Variants in SH3TC2 observed in about 807,000 individuals in gnomAD.
SH3TC2 encodes SH3 domain and tetratricopeptide repeat-containing protein 2.
SH3TC2 carries 87 observed loss-of-function variants against 124.5 expected under a neutral mutation model. The ratio of observed to expected loss-of-function variants is 0.70; its 90% CI spans 0.59 to 0.84. The LOEUF (loss-of-function observed/expected upper bound fraction) is 0.84. Among genes scored for constraint, SH3TC2 ranks in the 40% least tolerant of loss-of-function variants. The pLI, the probability that SH3TC2 is intolerant of heterozygous loss-of-function variation, is 0.00. For missense variants in SH3TC2, 1,536 were observed against 1,566.4 expected (o/e 0.98, Z 0.33); for synonymous variants, 634 against 628.5 (o/e 1.01, Z -0.13).
intron 8 of SH3TC2, among the ~76,000 whole-genome samples, 155 bp from the exon 9 acceptor site, chr5:149,031,842 C>G (rs1754200197): frequency 6.6e-6 from 1 of 152,158 alleles, no homozygotes; most frequent in African/African-American, 2.4e-5. Context: ...CCATTGCATA[C>G]TGTATTTATA....
chr5:149,015,589 C>T (rs1201494316), intron 12 of SH3TC2, among the ~76,000 whole-genome samples: 1 of 152,196 alleles, frequency 6.6e-6, no homozygotes, highest in Non-Finnish European at 1.5e-5. Context: ...TTCTCTTTCT[C>T]TCATTTTTCC....
In SH3TC2 at chr5:149,004,742, C is replaced by T. The variant is rs142774907; in HGVS notation, c.3836G>A (p.Arg1279Gln). 3.3e-5 allele frequency: 54 copies of T among 1,613,642 alleles called. No homozygotes were observed. Among genetic ancestry groups the T allele is most frequent in the Middle Eastern group, 3.4e-4 (2 of 5,860 alleles). ...GGCCAGGCCACCACCACTCAGCCACCGCGCCCTCTCTGAGGAGCACCCGGA... is the reference window on the plus strand; with the variant it reads ...GGCCAGGCCACCACCACTCAGCCACTGCGCCCTCTCTGAGGAGCACCCGGA... The part of the protein sequence containing the change: ...RPSGCSSERA[R>Q]WLSGGGLAL The change falls in exon 17 of 17, where the codon CGG becomes CAG. Residue 1279 changes from arginine (R) to glutamine (Q), a missense_variant. Around this residue, in one of 3 missense-constraint regions of SH3TC2, gnomAD observed 426 missense variants for 443.5 expected, o/e 0.96. Transcript: ENST00000515425.
chr5:149,029,261 CTG>C (rs557944529), intron 9 of SH3TC2, among the ~76,000 whole-genome samples: 3 of 152,176 alleles, frequency 2.0e-5, no homozygotes, highest in Non-Finnish European at 4.4e-5. Context: ...GGGCTGGACA[CTG>C]TGTTTGTAAA....
In SH3TC2 at chr5:149,010,293, GC is replaced by G. The variant is rs864622664; in HGVS notation, c.3303del (p.Arg1101SerfsTer15). The G allele has an allele frequency of 1.1e-5, 17 of 1,614,112 alleles. No individual in the cohort carries two copies. Among genetic ancestry groups the G allele is most frequent in the Non-Finnish European group, 1.4e-5 (16 of 1,180,052 alleles). The stretch of plus-strand genomic sequence containing the variant: ...ACTCGGTAGTACTCCACTGCATGAT[GC>G]CTGTGGCGGGTCCCATTGAAGAACA... ...GDVFFNGTRH[R>X]HHAVEYYRAG... On this transcript the variant is annotated frameshift_variant, in exon 14 of 17. Coordinates refer to ENST00000515425, the MANE Select transcript of SH3TC2 (RefSeq NM_024577.4). LOFTEE classifies it high-confidence loss of function.
At position 148,998,154 on chromosome 5, in the gene SH3TC2, A is replaced by G. The variant is rs199797914; in HGVS notation, c.*6557T>C. The stretch of plus-strand genomic sequence containing the variant: ...AAATGAATAGAACAAAACAGAATGT[A>G]TGAGTGCATTTCTCTATGTTGTTGC... On this transcript the variant is annotated 3_prime_UTR_variant, in exon 17 of 17. Coordinates refer to ENST00000515425, the MANE Select transcript of SH3TC2 (RefSeq NM_024577.4). 1.3e-4 allele frequency among the ~76,000 whole-genome samples: 20 copies of G among 152,312 alleles called. No individual in the cohort carries two copies. The highest frequency in any genetic ancestry group is 3.4e-3 in the Middle Eastern group (1 of 294).
In SH3TC2 at chr5:149,028,542, T is replaced by C; in HGVS notation, c.1190A>G (p.Glu397Gly). The C allele has an allele frequency of 6.2e-7, 1 of 1,614,070 alleles. No homozygotes were observed. The highest frequency in any genetic ancestry group is 8.5e-7 in the Non-Finnish European group (1 of 1,179,980). ...PPNDLSASQP[E>G]GFKEVRPGRA... is the part of the protein sequence containing the mutation. ...GCCAGGCCTGACCTCCTTGAAACCT[T>C]CAGGCTGGGATGCTGTAAGGACAGG... is the stretch of plus-strand genomic sequence containing the variant. Residue 397 changes from glutamate (E) to glycine (G), a missense_variant, in exon 11 of 17, where the codon GAA becomes GGA. Around this residue, in one of 3 missense-constraint regions of SH3TC2, gnomAD observed 1,102 missense variants for 1,098.6 expected, o/e 1.00. Coordinates refer to ENST00000515425, the MANE Select transcript of SH3TC2 (RefSeq NM_024577.4).
Position 148,983,170 on chromosome 5 carries a change from A to G in SH3TC2, c.*21541T>C, listed in dbSNP as rs1002244232. 2.0e-5 allele frequency among the ~76,000 whole-genome samples: 3 copies of G among 152,266 alleles called. No homozygotes were observed. Among genetic ancestry groups the G allele is most frequent in the Non-Finnish European group, 2.9e-5 (2 of 68,042 alleles). Reference sequence around the variant, plus strand: ...TGGCTTAAAGCACATGCTGTATAAAACATGTCCTGTTAAAAGCATTTTGAG... The same window carrying G: ...TGGCTTAAAGCACATGCTGTATAAAGCATGTCCTGTTAAAAGCATTTTGAG... On this transcript the variant is annotated 3_prime_UTR_variant, in exon 17 of 17. Transcript: ENST00000515425.
intron 13 of SH3TC2, among the ~76,000 whole-genome samples, chr5:149,012,264 A>T (rs905292808): frequency 6.6e-6 from 1 of 152,220 alleles, no homozygotes; most frequent in Non-Finnish European, 1.5e-5. Context: ...GTCAAGGTGT[A>T]TGTTGAGCTT....
intron 12 of SH3TC2, among the ~76,000 whole-genome samples, chr5:149,019,196 A>T (rs1753928285): frequency 6.6e-6 from 1 of 151,914 alleles, no homozygotes; most frequent in East Asian, 1.9e-4. Context: ...TCCCCTTTTT[A>T]CTCAGCTACC....
rs62378237 is a variant in SH3TC2 at position 149,030,544 on chromosome 5, G to A, written c.1135+1010C>T. 2.6e-5 allele frequency among the ~76,000 whole-genome samples: 4 copies of A among 152,274 alleles called. 1 individual carries two copies. On this transcript the variant is annotated intron_variant, in intron 9 of 16. Transcript: ENST00000515425. ...ATCAGGCTCCCGCCTACTGGGCAGT[G>A]TTTACAACTCTAGCTTCCTGCTCAA...
At chr5:149,025,135 C>G (rs1311926265) in intron 12 of SH3TC2, among the ~76,000 whole-genome samples, 1 of 149,708 alleles carries the variant, frequency 6.7e-6, no homozygotes, top group Non-Finnish European at 1.5e-5. Context: ...TCTCCAGAAG[C>G]ATCCAGACTC....
rs958807677 is a variant in SH3TC2 at position 148,991,923 on chromosome 5, T to G, written c.*12788A>C. ...TGATGTCATGGTGGCTCAACTTTCCTGGTGTCTAAGGGGAGTGTCAGAGAG... is the reference window on the plus strand; with the variant it reads ...TGATGTCATGGTGGCTCAACTTTCCGGGTGTCTAAGGGGAGTGTCAGAGAG... On this transcript the variant is annotated 3_prime_UTR_variant, in exon 17 of 17. Transcript: ENST00000515425. Among the ~76,000 whole-genome samples the G allele has an allele frequency of 3.3e-5, 5 of 152,206 alleles. No individual in the cohort carries two copies. The highest frequency in any genetic ancestry group is 1.2e-4 in the African/African-American group (5 of 41,448).
chr5:149,026,370 G>T, intron 12 of SH3TC2: 1 of 621,022 alleles, frequency 1.6e-6, no homozygotes. Flanking sequence ...AGGAAACTGA[G>T]ACATGGAGAA....
intron 3 of SH3TC2, chr5:149,045,504 C>T (rs570490207): frequency 2.7e-5 from 4 of 150,806 alleles, no homozygotes; most frequent in African/African-American, 1.0e-4. Context: ...CTAAGAGGTG[C>T]AATTGGAAAT....
intron 16 of SH3TC2, chr5:149,006,279 AAAAAAGAAGTT>A: frequency 9.0e-6 from 1 of 110,834 alleles, no homozygotes; most frequent in Non-Finnish European, 2.1e-5. Flanking sequence ...CAAGCAAGCA[AAAAAAGAAGTT>A]CTAGATTCAG....
chr5:149,045,249 T>C (rs1754439162), intron 3 of SH3TC2: 1 of 152,378 alleles, frequency 6.6e-6, no homozygotes, highest in South Asian at 2.1e-4. Flanking sequence ...GCATAAATTA[T>C]TTTGCAATCT....
chr5:149,007,879 T>A (rs1239485440), intron 15 of SH3TC2: 2 of 152,538 alleles, frequency 1.3e-5, no homozygotes, highest in African/African-American at 4.8e-5. Context: ...AATTCTCTGA[T>A]ATGGAAAAAT....
Position 149,009,013 on chromosome 5 carries a change from A to T in SH3TC2, c.3328-12T>A, listed in dbSNP as rs928344880. ...GGAACAGCTCCAGCCTAGGAACAGA[A>T]GCCCAAGGAACCTTAGTCTAGCTAG... On this transcript the variant is annotated splice_polypyrimidine_tract_variant and intron_variant, in intron 14 of 16. Transcript: ENST00000515425. 61 of 1,614,060 alleles carry T rather than the reference A, an allele frequency of 3.8e-5. No homozygotes were observed. Among genetic ancestry groups the T allele is most frequent in the Non-Finnish European group, 4.8e-5 (57 of 1,180,028 alleles).
chr5:149,003,702 C>T lies in SH3TC2; in HGVS notation c.*1009G>A. The T allele has an allele frequency of 2.5e-6, 1 of 392,980 alleles. No homozygotes were observed. Among genetic ancestry groups the T allele is most frequent in the Non-Finnish European group, 5.1e-6 (1 of 197,702 alleles). 24.3% of individuals were successfully genotyped at this position (392,980 alleles called of 1,614,324 possible). ...AGCTGCCCTGAAATCAATAAGATGCCTTGTAGTTGGGTATGGCACATGCCT... is the reference window on the plus strand; with the variant it reads ...AGCTGCCCTGAAATCAATAAGATGCTTTGTAGTTGGGTATGGCACATGCCT... On this transcript the variant is annotated 3_prime_UTR_variant, in exon 17 of 17. Transcript: ENST00000515425.
Sources: allele counts gnomAD v4.1 joint callset (sites outside exome capture counted in the v4.1 genomes callset), GRCh38; gene constraint gnomAD v4.1.1; regional missense constraint gnomAD v4.1.1; transcripts MANE v1.5; gene names NCBI Gene and HGNC (gene_info 2026-07-23, HGNC 2026-07-21).